Variants in MINAR1 observed in about 807,000 individuals in gnomAD.
MINAR1 encodes major intrinsically disordered Notch2-binding receptor 1.
Under a neutral mutation model 65.1 loss-of-function variants are expected in MINAR1, and 40 were observed. That is an observed-to-expected ratio of 0.61 (90% CI 0.48 to 0.80). The LOEUF is 0.80. Among genes scored for constraint, MINAR1 ranks in the 30% least tolerant of loss-of-function variants. The probability of loss-of-function intolerance (pLI) is 0.00; values close to 1 mark genes in which losing one functional copy is unlikely to be tolerated. For missense variants in MINAR1, 1,128 were observed against 1,148.0 expected, an observed-to-expected ratio of 0.98 and a Z score of 0.25; for synonymous variants, 482 against 449.1, an observed-to-expected ratio of 1.07 and a Z score of -0.93.
rs115019915 is a variant in MINAR1 at position 79,461,570 on chromosome 15, A to C, written c.2299-1497A>C. The stretch of plus-strand genomic sequence containing the variant: ...TCTTAGAAGATACTTGGCTTTGATG[A>C]GTTAGAAAATAAGAGGGAACCTCAT... On this transcript the variant is annotated intron_variant, in intron 2 of 3. Transcript: ENST00000305428. Among the ~76,000 whole-genome samples the C allele has an allele frequency of 5.7e-3, 868 of 152,306 alleles. 8 individuals are homozygous for C. The highest frequency in any genetic ancestry group is 0.02 in the African/African-American group (835 of 41,562).
At position 79,449,149 on chromosome 15, in the gene MINAR1, A is replaced by G. The variant is rs147141294; in HGVS notation, c.-50-6949A>G. 2.2e-3 allele frequency among the ~76,000 whole-genome samples: 342 copies of G among 152,296 alleles called. 2 individuals carry two copies. Among genetic ancestry groups the G allele is most frequent in the African/African-American group, 7.4e-3 (308 of 41,564 alleles). On this transcript the variant is annotated intron_variant, in intron 1 of 3. Transcript: ENST00000305428. The stretch of plus-strand genomic sequence containing the variant: ...TGGGTTAGGAATTAGAGGAGCCTGG[A>G]GTTCTTCCCTTCGCTGTATACGGGT...
the MINAR1 span, chr15:79,420,186 G>A: frequency 6.6e-6 from 1 of 152,292 alleles, no homozygotes; most frequent in Non-Finnish European, 1.5e-5. Flanking sequence ...CTGAGGGAGG[G>A]AAGAAGAAAA....
chr15:79,451,844 T>A (rs1895212884), intron 1 of MINAR1, among the ~76,000 whole-genome samples: 1 of 152,102 alleles, frequency 6.6e-6, no homozygotes, highest in Non-Finnish European at 1.5e-5. Flanking sequence ...GGGGTCAGCT[T>A]CCCAAACGCC....
At chr15:79,466,161 C>G (rs1387979053) in intron 3 of MINAR1, among the ~76,000 whole-genome samples, 1 of 152,132 alleles carries the variant, frequency 6.6e-6, no homozygotes, top group East Asian at 1.9e-4. Context: ...TGTCCAGGAC[C>G]ACCTCCCACC....
upstream of MINAR1, among the ~76,000 whole-genome samples, chr15:79,430,187 G>C (rs1056033540): frequency 6.6e-6 from 1 of 152,090 alleles, no homozygotes; most frequent in Non-Finnish European, 1.5e-5. Flanking sequence ...TTTTCCAAAA[G>C]GGTTATTTCA....
Position 79,457,696 on chromosome 15 carries a change from G to A in MINAR1, c.1549G>A (p.Asp517Asn), listed in dbSNP as rs771551419. The A allele has an allele frequency of 1.4e-5, 23 of 1,614,144 alleles. No homozygotes were observed. The highest frequency in any genetic ancestry group is 1.7e-5 in the Non-Finnish European group (20 of 1,180,040). ...SDDDSEIVSD[D>N]ISDIFRFLDD... ...CGATGACTCAGAAATTGTCAGCGAC[G>A]ACATCAGTGACATTTTCCGATTTCT... The change falls in exon 2 of 4, where the codon GAC (aspartate) becomes AAC (asparagine). Residue 517 changes from aspartate to asparagine, a missense_variant. Asp to Asn is a conservative substitution (Grantham distance 23, BLOSUM62 1). Transcript: ENST00000305428.
At position 79,468,330 on chromosome 15, in the gene MINAR1, G is replaced by A. The variant is rs767738471; in HGVS notation, c.2697G>A (p.Ala899=). Residue 899 remains alanine (A), a synonymous_variant, in exon 4 of 4, where the codon GCG becomes GCA. Transcript: ENST00000305428. The part of the protein sequence containing the change: ...VCKIAALIAA[A]ACTVILVIVV... ...AGATAGCTGCTCTGATCGCTGCTGCGGCATGCACCGTCATCCTCGTTATTG... is the reference window on the plus strand; with the variant it reads ...AGATAGCTGCTCTGATCGCTGCTGCAGCATGCACCGTCATCCTCGTTATTG... 8.1e-6 allele frequency: 13 copies of A among 1,614,042 alleles called. No individual in the cohort carries two copies. Among genetic ancestry groups the A allele is most frequent in the East Asian group, 2.2e-5 (1 of 44,880 alleles).
intron 3 of MINAR1, among the ~76,000 whole-genome samples, chr15:79,467,192 G>GT (rs1567063468): frequency 6.6e-6 from 1 of 152,074 alleles, no homozygotes; most frequent in African/African-American, 2.4e-5. Context: ...TGAAAGGTTT[G>GT]TTTTTTGAGC....
Position 79,470,013 on chromosome 15 carries a change from T to C in MINAR1, c.*1629T>C, listed in dbSNP as rs1896020723. On this transcript the variant is annotated 3_prime_UTR_variant, in exon 4 of 4. Coordinates refer to ENST00000305428, the MANE Select transcript of MINAR1 (RefSeq NM_015206.3). ...AAGGGGTAGACAGTTAATTTTATTA[T>C]GTTAACAAGTGAGGGATGAATGTTT... The C allele has an allele frequency of 1.3e-5, 2 of 152,644 alleles. No individual in the cohort carries two copies. The highest frequency in any genetic ancestry group is 4.8e-5 in the African/African-American group (2 of 41,458). 9.5% of individuals were successfully genotyped at this position (152,644 alleles called of 1,614,324 possible). A position where few individuals can be genotyped will look rare whatever the true frequency, so the allele number is the denominator to read the frequency against.
In MINAR1 at chr15:79,440,511, T is replaced by C. The variant is rs1447332809; in HGVS notation, c.-51+7971T>C. ...GAGGCTGCCTTTGGGAAATTGTGAG[T>C]GTTCCCTGTCTTAGAAGCCATCATG... is the stretch of plus-strand genomic sequence containing the variant. On this transcript the variant is annotated intron_variant, in intron 1 of 3. Transcript: ENST00000305428. Among the ~76,000 whole-genome samples the C allele has an allele frequency of 2.6e-5, 4 of 152,258 alleles. No individual in the cohort carries two copies. In the South Asian group the frequency reaches 8.3e-4, roughly 32 times the overall value.
intron 1 of MINAR1, among the ~76,000 whole-genome samples, chr15:79,441,844 A>C (rs577017671): frequency 6.6e-6 from 1 of 151,930 alleles, no homozygotes; most frequent in Non-Finnish European, 1.5e-5. Flanking sequence ...AAACATTTTT[A>C]TTTTCTTTAG....
At chr15:79,462,468 C>T (rs1444606355) in intron 2 of MINAR1, among the ~76,000 whole-genome samples, 1 of 152,190 alleles carries the variant, frequency 6.6e-6, no homozygotes, top group African/African-American at 2.4e-5. Flanking sequence ...ATCCTGAAGG[C>T]CATATCCCCT....
At chr15:79,458,670 A>G (rs36105138) in intron 2 of MINAR1, among the ~76,000 whole-genome samples, 21,922 of 152,242 alleles carry the variant, frequency 0.14, 1,668 homozygotes, top group African/African-American at 0.16. Context: ...ATGCTGCGAT[A>G]TTGCTGACAG....
At chr15:79,426,978 A>G in the MINAR1 span, 3 of 152,242 alleles carry the variant, frequency 2.0e-5, no homozygotes, top group African/African-American at 7.2e-5. Context: ...ACGTATGTTC[A>G]TTGCAGCACT....
intron 1 of MINAR1, among the ~76,000 whole-genome samples, chr15:79,439,339 AGT>A (rs1285050009): frequency 2.5e-4 from 8 of 31,770 alleles, no homozygotes; most frequent in African/African-American, 5.0e-4. Context: ...TGGGGTAGGC[AGT>A]GTGTGTGTGG....
intron 1 of MINAR1, among the ~76,000 whole-genome samples, chr15:79,450,535 T>TAA (rs201886091): frequency 4.2e-5 from 6 of 142,912 alleles, no homozygotes; most frequent in Admixed American, 7.1e-5. Context: ...GTCTTCCTAT[T>TAA]AAAAAAAAAA....
chr15:79,468,372 A>T lies in MINAR1; in HGVS notation c.2739A>T (p.Thr913=). ...VILVIVVPIC[T]MKS ...TCGTTATTGTCGTGCCCATCTGCAC[A>T]ATGAAATCATGAGCTAAGAATGCAA... is the stretch of plus-strand genomic sequence containing the variant. Residue 913 remains threonine, a synonymous_variant, in exon 4 of 4, where the codon ACA becomes ACT. Transcript: ENST00000305428. 1 of 1,613,922 alleles carries T rather than the reference A, an allele frequency of 6.2e-7. No homozygotes were observed. Among genetic ancestry groups the T allele is most frequent in the Non-Finnish European group, 8.5e-7 (1 of 1,179,942 alleles).
At position 79,472,064 on chromosome 15, in the gene MINAR1, AG is replaced by A. The variant is rs1449254396; in HGVS notation, c.*3682del. On this transcript the variant is annotated 3_prime_UTR_variant, in exon 4 of 4. Transcript: ENST00000305428. Reference sequence around the variant, plus strand: ...TGAAATTTTATGTGCAAGATCCTGAAGGAATGGGTATTCTTGAAGGCAGGGA... The same window carrying A: ...TGAAATTTTATGTGCAAGATCCTGAAGAATGGGTATTCTTGAAGGCAGGGA... The A allele has an allele frequency of 1.3e-5, 2 of 152,622 alleles. No individual in the cohort carries two copies. Among genetic ancestry groups the A allele is most frequent in the Non-Finnish European group, 2.9e-5 (2 of 68,048 alleles). 9.5% of individuals were successfully genotyped at this position (152,622 alleles called of 1,614,324 possible).
At chr15:79,446,496 T>C (rs1895023064) in intron 1 of MINAR1, among the ~76,000 whole-genome samples, 1 of 152,056 alleles carries the variant, frequency 6.6e-6, no homozygotes, top group Admixed American at 6.5e-5. Context: ...CTGTATATTA[T>C]TTTTTTCAGT....
Sources: gnomAD v4.1 joint callset for allele counts (sites outside exome capture counted in the v4.1 genomes callset) on GRCh38, gnomAD v4.1.1 for gene constraint, MANE v1.5 for transcripts, NCBI Gene and HGNC (gene_info 2026-07-23, HGNC 2026-07-21) for gene names.